The following OLA1 variants were observed in gnomAD, a reference collection of about 807,000 sequenced individuals.
OLA1 encodes obg-like ATPase 1.
OLA1 carries 14 observed loss-of-function variants against 48.4 expected under a neutral mutation model. That is an observed-to-expected ratio of 0.29 (90% CI 0.19 to 0.45). The LOEUF is 0.45. Ranked by LOEUF, OLA1 falls within the 20% of genes least tolerant of loss-of-function variation. The pLI is 1.00. For missense variants in OLA1, 325 were observed against 467.1 expected (o/e 0.70, Z 2.80); for synonymous variants, 127 against 150.4 (o/e 0.84, Z 1.14).
intron 4 of OLA1, among the ~76,000 whole-genome samples, chr2:174,199,245 T>C (rs1687939726): frequency 6.6e-6 from 1 of 152,210 alleles, no homozygotes; most frequent in Non-Finnish European, 1.5e-5. Flanking sequence ...CTTTTGTATC[T>C]GGCAGCCATT....
At position 174,247,935 on chromosome 2, in the gene OLA1, G is replaced by C. The variant is rs140810389; in HGVS notation, c.-1+517C>G. 8.1e-3 allele frequency: 7,018 copies of C among 865,746 alleles called. 39 individuals are homozygous for C. Among genetic ancestry groups the C allele is most frequent in the Middle Eastern group, 0.013 (35 of 2,740 alleles). The allele number at this position is 865,746 out of a possible 1,614,324, so 53.6% of individuals were successfully genotyped here. On this transcript the variant is annotated intron_variant, in intron 1 of 10. Coordinates refer to ENST00000284719, the MANE Select transcript of OLA1 (RefSeq NM_013341.5). ...GCTAAGCTCACGTCTCAGAAGCTGGGAACTAAAACTGTCCCAGTCTTCTGG... is the reference window on the plus strand; with the variant it reads ...GCTAAGCTCACGTCTCAGAAGCTGGCAACTAAAACTGTCCCAGTCTTCTGG...
At chr2:174,242,055 A>G (rs985546848) in intron 2 of OLA1, among the ~76,000 whole-genome samples, 2 of 152,250 alleles carry the variant, frequency 1.3e-5, no homozygotes, top group Non-Finnish European at 2.9e-5. Context: ...TGGCAGAAGT[A>G]TGGTATGGCA....
intron 4 of OLA1, among the ~76,000 whole-genome samples, chr2:174,145,536 T>A (rs552568911): frequency 6.6e-6 from 1 of 152,220 alleles, no homozygotes; most frequent in Non-Finnish European, 1.5e-5. Flanking sequence ...AATTTGTCTA[T>A]GTCAAGAAGG....
chr2:174,096,088 C>G (rs1050955937), intron 7 of OLA1, among the ~76,000 whole-genome samples: 4 of 152,108 alleles, frequency 2.6e-5, no homozygotes, highest in African/African-American at 9.7e-5. Flanking sequence ...ATCCATACAA[C>G]AGAATATTAT....
chr2:174,230,610 T>C (rs1688706871), intron 2 of OLA1, among the ~76,000 whole-genome samples: 1 of 152,200 alleles, frequency 6.6e-6, no homozygotes, highest in Admixed American at 6.5e-5. Flanking sequence ...ACTTTACATG[T>C]TACTGCTAGT....
intron 2 of OLA1, among the ~76,000 whole-genome samples, chr2:174,230,509 C>T (rs35875191): frequency 0.13 from 19,412 of 152,068 alleles, 1,446 homozygotes; most frequent in East Asian, 0.21. Context: ...GTAATAATTA[C>T]CAATGACAGT....
chr2:174,123,362 C>A, intron 6 of OLA1, 85 bp from the exon 7 acceptor site: 5 of 660,354 alleles, frequency 7.6e-6, no homozygotes, highest in Non-Finnish European at 9.9e-6. Flanking sequence ...AGTAAACATT[C>A]CTTAAAACAA....
intron 5 of OLA1, among the ~76,000 whole-genome samples, chr2:174,133,548 A>G (rs1297733868): frequency 6.6e-6 from 1 of 152,036 alleles, no homozygotes; most frequent in Non-Finnish European, 1.5e-5. Flanking sequence ...TTTAGTAGAG[A>G]CAGGGTTATG....
chr2:174,126,819 C>A (rs1686055238), intron 5 of OLA1, among the ~76,000 whole-genome samples: 1 of 152,138 alleles, frequency 6.6e-6, no homozygotes, highest in African/African-American at 2.4e-5. Flanking sequence ...GCAATATGTT[C>A]TCTTGGGTGC....
chr2:174,179,970 A>G (rs1473170388), intron 4 of OLA1, among the ~76,000 whole-genome samples: 4 of 152,196 alleles, frequency 2.6e-5, no homozygotes, highest in African/African-American at 9.6e-5. Flanking sequence ...TTTTATTTTT[A>G]TCTTCTCCTT....
intron 5 of OLA1, among the ~76,000 whole-genome samples, chr2:174,141,449 C>T (rs1354466689): frequency 6.6e-6 from 1 of 152,190 alleles, no homozygotes; most frequent in East Asian, 1.9e-4. Flanking sequence ...TAGTCCACCC[C>T]TATGGAGAAC....
intron 4 of OLA1, among the ~76,000 whole-genome samples, chr2:174,213,535 A>C (rs560192255): frequency 2.0e-4 from 31 of 152,334 alleles, no homozygotes; most frequent in African/African-American, 6.5e-4. Context: ...CAATAGCTTC[A>C]TCATATTCAA....
At chr2:174,213,993 A>C (rs566868347) in intron 4 of OLA1, among the ~76,000 whole-genome samples, 2 of 151,690 alleles carry the variant, frequency 1.3e-5, no homozygotes, top group South Asian at 4.2e-4. Flanking sequence ...TTGAAATTTA[A>C]AACCTACTTT....
intron 4 of OLA1, among the ~76,000 whole-genome samples, chr2:174,210,319 T>C (rs1451334933): frequency 6.6e-6 from 1 of 152,192 alleles, no homozygotes; most frequent in Non-Finnish European, 1.5e-5. Flanking sequence ...TTCTGGAGAC[T>C]GGGAACAGGG....
chr2:174,146,946 A>T (rs996595510), intron 4 of OLA1, among the ~76,000 whole-genome samples: 2 of 152,220 alleles, frequency 1.3e-5, no homozygotes, highest in South Asian at 2.1e-4. Flanking sequence ...AATCATAGCC[A>T]CTTTCAAAGG....
intron 5 of OLA1, among the ~76,000 whole-genome samples, chr2:174,131,490 T>C (rs1472682961): frequency 6.6e-6 from 1 of 152,188 alleles, no homozygotes; most frequent in East Asian, 1.9e-4. Flanking sequence ...CTGGAATTGC[T>C]TGGTTGTAGG....
intron 4 of OLA1, among the ~76,000 whole-genome samples, chr2:174,156,147 G>C (rs910226132): frequency 6.6e-6 from 1 of 152,066 alleles, no homozygotes; most frequent in Non-Finnish European, 1.5e-5. Context: ...ATTTATAAAT[G>C]AAAAGCTAAA....
intron 4 of OLA1, among the ~76,000 whole-genome samples, chr2:174,213,273 G>T (rs1688284888): frequency 1.3e-5 from 2 of 152,112 alleles, no homozygotes; most frequent in African/African-American, 2.4e-5. Context: ...CAACACTCTT[G>T]CTTCTAGTCT....
At chr2:174,180,467 G>A (rs1042926586) in intron 4 of OLA1, among the ~76,000 whole-genome samples, 13 of 152,208 alleles carry the variant, frequency 8.5e-5, no homozygotes, top group Non-Finnish European at 1.9e-4. Context: ...TATAGCAAAA[G>A]TGTAGTTACC....
Sources: allele counts gnomAD v4.1 joint callset (sites outside exome capture counted in the v4.1 genomes callset), GRCh38; gene constraint gnomAD v4.1.1; transcripts MANE v1.5; gene names NCBI Gene and HGNC (gene_info 2026-07-23, HGNC 2026-07-21).